ATRNL1: variants seen among roughly 807,000 people sequenced by gnomAD.
ATRNL1 encodes attractin like 1.
In ATRNL1, 95 loss-of-function variants were observed where a neutral mutation model predicts 182.7. The ratio of observed to expected loss-of-function variants is 0.52; its 90% CI spans 0.44 to 0.62. The LOEUF (loss-of-function observed/expected upper bound fraction) is 0.62. Ranked by LOEUF, ATRNL1 falls within the 20% of genes least tolerant of loss-of-function variation. The probability of loss-of-function intolerance (pLI) is 0.00; values close to 1 mark genes in which losing one functional copy is unlikely to be tolerated. For synonymous variants in ATRNL1, 576 were observed against 568.3 expected, an observed-to-expected ratio of 1.01 and a Z score of -0.19; for missense variants, 1,471 against 1,679.5, an observed-to-expected ratio of 0.88 and a Z score of 2.17.
intron 26 of ATRNL1, among the ~76,000 whole-genome samples, chr10:115,604,891 T>A (rs1163573474): frequency 6.6e-6 from 1 of 151,974 alleles, no homozygotes; most frequent in Non-Finnish European, 1.5e-5. Flanking sequence ...TGCTTGATTT[T>A]TTGTATTTGC....
At chr10:115,694,340 A>G (rs1373123535) in intron 26 of ATRNL1, among the ~76,000 whole-genome samples, 1 of 152,114 alleles carries the variant, frequency 6.6e-6, no homozygotes, top group African/African-American at 2.4e-5. Context: ...TGTTTAATAT[A>G]TAAAAGCATG....
At chr10:115,132,436 G>T (rs1177549216) in intron 5 of ATRNL1, among the ~76,000 whole-genome samples, 1 of 152,106 alleles carries the variant, frequency 6.6e-6, no homozygotes, top group African/African-American at 2.4e-5. Flanking sequence ...AATCCTTTGG[G>T]TATATACCCA....
chr10:115,344,646 A>G (rs1855898190), intron 19 of ATRNL1, among the ~76,000 whole-genome samples: 1 of 152,146 alleles, frequency 6.6e-6, no homozygotes, highest in South Asian at 2.1e-4. Context: ...GTTAGTTCCT[A>G]AGGTACAAGG....
At chr10:115,900,471 A>G (rs1256817213) in intron 28 of ATRNL1, among the ~76,000 whole-genome samples, 1 of 152,238 alleles carries the variant, frequency 6.6e-6, no homozygotes, top group Non-Finnish European at 1.5e-5. Context: ...AAAACAGGAG[A>G]TAATATTTTT....
At chr10:115,692,127 T>A (rs1478347565) in intron 26 of ATRNL1, among the ~76,000 whole-genome samples, 1 of 152,168 alleles carries the variant, frequency 6.6e-6, no homozygotes, top group Non-Finnish European at 1.5e-5. Flanking sequence ...AATCAAATAA[T>A]ACAATTTAAA....
chr10:115,672,533 A>C (rs1180201135), intron 26 of ATRNL1, among the ~76,000 whole-genome samples: 1 of 152,170 alleles, frequency 6.6e-6, no homozygotes, highest in Non-Finnish European at 1.5e-5. Flanking sequence ...AAAATGATTA[A>C]GAGGATAAAA....
At chr10:115,934,880 A>G (rs1440427094) in intron 28 of ATRNL1, among the ~76,000 whole-genome samples, 2 of 151,938 alleles carry the variant, frequency 1.3e-5, no homozygotes, top group African/African-American at 2.4e-5. Flanking sequence ...CCATTCTCCC[A>G]TTGTTCCATT....
At chr10:115,625,757 A>G (rs1212832451) in intron 26 of ATRNL1, among the ~76,000 whole-genome samples, 3 of 152,160 alleles carry the variant, frequency 2.0e-5, no homozygotes, top group Non-Finnish European at 2.9e-5. Context: ...AATTTAATCA[A>G]GAACCTAGAA....
At chr10:115,545,028 C>T (rs1361150502) in intron 25 of ATRNL1, among the ~76,000 whole-genome samples, 1 of 151,724 alleles carries the variant, frequency 6.6e-6, no homozygotes, top group Non-Finnish European at 1.5e-5. Flanking sequence ...AAATCAAGAA[C>T]ATTTATAAAG....
At chr10:115,097,753 G>A (rs1292390981) in intron 1 of ATRNL1, among the ~76,000 whole-genome samples, 17 of 152,056 alleles carry the variant, frequency 1.1e-4, no homozygotes, top group Admixed American at 9.2e-4. Flanking sequence ...GTGAAACCCC[G>A]TCTCTACTAA....
chr10:115,259,295 G>A (rs951133121), intron 10 of ATRNL1, among the ~76,000 whole-genome samples: 1 of 152,156 alleles, frequency 6.6e-6, no homozygotes, highest in African/African-American at 2.4e-5. Flanking sequence ...CTTCCTGGCC[G>A]CTTTGTTTAC....
chr10:115,524,555 TA>T (rs2133718342), intron 25 of ATRNL1, among the ~76,000 whole-genome samples: 1 of 152,366 alleles, frequency 6.6e-6, no homozygotes, highest in African/African-American at 2.4e-5. Flanking sequence ...ATTAATTTTC[TA>T]TATCATTGGA....
intron 9 of ATRNL1, among the ~76,000 whole-genome samples, chr10:115,223,259 C>G (rs535112660): frequency 3.9e-5 from 6 of 151,998 alleles, no homozygotes; most frequent in African/African-American, 1.4e-4. Flanking sequence ...CCAGCCTGGA[C>G]GACAGAGACT....
intron 19 of ATRNL1, among the ~76,000 whole-genome samples, chr10:115,384,016 A>C (rs1394230376): frequency 6.6e-6 from 1 of 152,024 alleles, no homozygotes; most frequent in African/African-American, 2.4e-5. Flanking sequence ...TGCGTTTATA[A>C]ATAGGCACAA....
rs114350048 is a variant in ATRNL1 at position 115,503,710 on chromosome 10, A to T, written c.3655-15553A>T. 8.3e-3 allele frequency among the ~76,000 whole-genome samples: 1,244 copies of T among 149,122 alleles called. 16 individuals are homozygous for T. Among genetic ancestry groups the T allele is most frequent in the African/African-American group, 0.031 (1,184 of 38,750 alleles). ...AAGTTTTTATTTTTATTTTTTTAAT[A>T]AATTCTCTTCTTGTGACTTACCCAG... On this transcript the variant is annotated intron_variant, in intron 24 of 28. Transcript: ENST00000355044.
At chr10:115,544,306 G>C (rs1852523365) in intron 25 of ATRNL1, among the ~76,000 whole-genome samples, 1 of 152,136 alleles carries the variant, frequency 6.6e-6, no homozygotes, top group Admixed American at 6.5e-5. Context: ...GGCAAAAAAG[G>C]AGCCAGTGGA....
At chr10:115,343,558 T>C (rs1307898584) in intron 19 of ATRNL1, among the ~76,000 whole-genome samples, 7 of 152,208 alleles carry the variant, frequency 4.6e-5, no homozygotes, top group Non-Finnish European at 1.0e-4. Flanking sequence ...TCTTTGAGTT[T>C]CGTGAACACA....
chr10:115,637,614 A>ATTATTATTATTATTATTC (rs1858966938), intron 26 of ATRNL1, among the ~76,000 whole-genome samples: 1 of 147,184 alleles, frequency 6.8e-6, no homozygotes, highest in African/African-American at 2.5e-5. Context: ...TATTATTATT[A>ATTATTATTATTATTATTC]TTATTATTAT....
intron 5 of ATRNL1, among the ~76,000 whole-genome samples, chr10:115,155,681 C>G (rs1846479232): frequency 6.6e-6 from 1 of 151,958 alleles, no homozygotes; most frequent in Non-Finnish European, 1.5e-5. Context: ...TAATTGTTGG[C>G]TATGTTAAGT....
Sources: gnomAD v4.1 joint callset for allele counts (sites outside exome capture counted in the v4.1 genomes callset) on GRCh38, gnomAD v4.1.1 for gene constraint, MANE v1.5 for transcripts, NCBI Gene and HGNC (gene_info 2026-07-23, HGNC 2026-07-21) for gene names.